GALNTL6: variants seen among roughly 807,000 people sequenced by gnomAD.
The protein encoded by GALNTL6 is polypeptide N-acetylgalactosaminyltransferase-like 6.
A neutral mutation model predicts 73.7 loss-of-function variants in GALNTL6; 46 were observed. The observed-to-expected ratio is 0.62, with a 90% CI of 0.49 to 0.80. The LOEUF (loss-of-function observed/expected upper bound fraction) is 0.80. Among genes scored for constraint, GALNTL6 ranks in the 30% least tolerant of loss-of-function variants. GALNTL6 has a pLI of 0.00. For synonymous variants in GALNTL6, 259 were observed against 263.7 expected, an observed-to-expected ratio of 0.98 and a Z score of 0.17; for missense variants, 604 against 755.0, an observed-to-expected ratio of 0.80 and a Z score of 2.34.
intron 2 of GALNTL6, among the ~76,000 whole-genome samples, chr4:172,032,673 C>A (rs1240555807): frequency 6.6e-6 from 1 of 152,026 alleles, no homozygotes; most frequent in African/African-American, 2.4e-5. Context: ...TTGCATGTAT[C>A]AGATTATTGA....
At chr4:173,028,664 C>T (rs10005134) in intron 12 of GALNTL6, among the ~76,000 whole-genome samples, 9,711 of 152,212 alleles carry the variant, frequency 0.064, 505 homozygotes, top group African/African-American at 0.14. Context: ...TAAAGAACCA[C>T]TAGTTCAATT....
chr4:172,423,813 G>T (rs1731134397), intron 5 of GALNTL6, among the ~76,000 whole-genome samples: 2 of 151,990 alleles, frequency 1.3e-5, no homozygotes, highest in African/African-American at 4.8e-5. Context: ...TTTGTTAAAT[G>T]AATGAATTAG....
At chr4:172,706,654 G>T (rs1322460299) in intron 5 of GALNTL6, among the ~76,000 whole-genome samples, 1 of 152,076 alleles carries the variant, frequency 6.6e-6, no homozygotes, top group Non-Finnish European at 1.5e-5. Context: ...CTCCTTTCTG[G>T]CATTAGGTGG....
In GALNTL6 at chr4:172,452,096, G is replaced by C. The variant is rs74706150; in HGVS notation, c.553+103407G>C. Among the ~76,000 whole-genome samples the C allele has an allele frequency of 2.9e-3, 439 of 152,204 alleles. 2 individuals carry two copies. The highest frequency in any genetic ancestry group is 6.3e-3 in the Admixed American group (97 of 15,280). On this transcript the variant is annotated intron_variant, in intron 5 of 12. Transcript: ENST00000506823. The stretch of plus-strand genomic sequence containing the variant: ...AATCTTTTGAATTCAGAGTATTCCA[G>C]AATGAAACCTGCAAACGAAATTGAT...
intron 5 of GALNTL6, among the ~76,000 whole-genome samples, chr4:172,554,723 G>A (rs929432300): frequency 7.9e-5 from 12 of 152,170 alleles, no homozygotes; most frequent in South Asian, 2.1e-4. Context: ...AGAGTCATCC[G>A]TATCACTGGG....
intron 2 of GALNTL6, among the ~76,000 whole-genome samples, chr4:172,057,801 C>G (rs1310095528): frequency 1.4e-5 from 2 of 141,844 alleles, no homozygotes; most frequent in African/African-American, 5.3e-5. Context: ...AAATTAGATG[C>G]TATGGGCATG....
intron 2 of GALNTL6, among the ~76,000 whole-genome samples, chr4:171,988,554 G>A (rs998836755): frequency 4.6e-5 from 7 of 152,142 alleles, no homozygotes; most frequent in East Asian, 1.9e-4. Flanking sequence ...GGGAGGTATT[G>A]AGGATAGGAG....
At chr4:172,387,723 A>G (rs540547923) in intron 5 of GALNTL6, among the ~76,000 whole-genome samples, 4 of 152,210 alleles carry the variant, frequency 2.6e-5, no homozygotes, top group Admixed American at 6.5e-5. Context: ...AATCCTCTCT[A>G]AGCAGTCCAT....
chr4:172,922,834 A>T (rs1747862449), intron 8 of GALNTL6, among the ~76,000 whole-genome samples: 1 of 152,244 alleles, frequency 6.6e-6, no homozygotes, highest in Admixed American at 6.5e-5. Flanking sequence ...GGGGAGGCAG[A>T]TGCTAAGCAA....
chr4:172,044,593 C>A (rs932848266), intron 2 of GALNTL6, among the ~76,000 whole-genome samples: 1 of 151,940 alleles, frequency 6.6e-6, no homozygotes, highest in African/African-American at 2.4e-5. Context: ...TACTATTCAA[C>A]AAATTGTATT....
intron 5 of GALNTL6, among the ~76,000 whole-genome samples, chr4:172,644,910 G>A (rs1740168915): frequency 6.6e-6 from 1 of 151,934 alleles, no homozygotes; most frequent in Admixed American, 6.6e-5. Flanking sequence ...GTGGGTGGAT[G>A]GTAGCATCAC....
chr4:172,018,076 G>A (rs73870120), intron 2 of GALNTL6, among the ~76,000 whole-genome samples: 3,848 of 152,220 alleles, frequency 0.025, 126 homozygotes, highest in African/African-American at 0.076. Flanking sequence ...GGGATTAGCT[G>A]TTGTTTTCAC....
At chr4:171,849,524 C>T (rs1735462346) in intron 2 of GALNTL6, among the ~76,000 whole-genome samples, 1 of 151,978 alleles carries the variant, frequency 6.6e-6, no homozygotes, top group African/African-American at 2.4e-5. Context: ...AAGTCATCTA[C>T]ATTTGAAAAT....
At chr4:171,909,014 G>A (rs943842468) in intron 2 of GALNTL6, among the ~76,000 whole-genome samples, 2 of 147,424 alleles carry the variant, frequency 1.4e-5, no homozygotes, top group African/African-American at 5.0e-5. Flanking sequence ...GGAGGGAGGA[G>A]GGATAGCATT....
At chr4:172,353,090 C>T (rs1447712817) in intron 5 of GALNTL6, among the ~76,000 whole-genome samples, 1 of 152,040 alleles carries the variant, frequency 6.6e-6, no homozygotes, top group African/African-American at 2.4e-5. Flanking sequence ...TCAACAGGAT[C>T]TATGTGTACT....
intron 2 of GALNTL6, among the ~76,000 whole-genome samples, chr4:171,840,193 A>G (rs1735203771): frequency 6.6e-6 from 1 of 152,176 alleles, no homozygotes; most frequent in Admixed American, 6.6e-5. Flanking sequence ...TTAACAGGGA[A>G]ATAACTGTTA....
At chr4:172,635,263 G>A (rs1739615296) in intron 5 of GALNTL6, among the ~76,000 whole-genome samples, 1 of 152,096 alleles carries the variant, frequency 6.6e-6, no homozygotes, top group Non-Finnish European at 1.5e-5. Context: ...ACAGGCATCA[G>A]TGTTTTGGAT....
intron 5 of GALNTL6, among the ~76,000 whole-genome samples, chr4:172,712,338 A>ACTTT (rs1395616146): frequency 6.6e-6 from 1 of 152,110 alleles, no homozygotes; most frequent in Non-Finnish European, 1.5e-5. Context: ...CATGTGCAGA[A>ACTTT]CGTGCAGGTT....
intron 2 of GALNTL6, among the ~76,000 whole-genome samples, chr4:172,031,207 G>A (rs887638529): frequency 7.8e-6 from 1 of 127,458 alleles, no homozygotes; most frequent in Non-Finnish European, 1.7e-5. Context: ...ACCTGGGGGA[G>A]AGGATCCACA....
Sources: allele counts gnomAD v4.1 joint callset (sites outside exome capture counted in the v4.1 genomes callset), GRCh38; gene constraint gnomAD v4.1.1; transcripts MANE v1.5; gene names NCBI Gene and HGNC (gene_info 2026-07-23, HGNC 2026-07-21).